The following BANF2 variants were observed in gnomAD, a reference collection of about 807,000 sequenced individuals.
BANF2 encodes BANF family member 2, also known as barrier-to-autointegration factor-like protein.
Under a neutral mutation model 8.0 loss-of-function variants are expected in BANF2, and 4 were observed. That is an observed-to-expected ratio of 0.50 (90% CI 0.25 to 1.14). BANF2 has a LOEUF of 1.14. BANF2 is among the 50% of genes most tolerant of loss of function. BANF2 has a pLI of 0.16. For missense variants in BANF2, 96 were observed against 107.5 expected (o/e 0.89, Z 0.47); for synonymous variants, 50 against 40.6 (o/e 1.23, Z -0.88).
intron 1 of BANF2, among the ~76,000 whole-genome samples, chr20:17,702,202 G>C (rs2037419139): frequency 6.6e-6 from 1 of 152,174 alleles, no homozygotes; most frequent in Non-Finnish European, 1.5e-5. Flanking sequence ...TCCTTTCTTA[G>C]CCTTTCCCTA....
At chr20:17,704,531 G>A (rs1485595307) in intron 1 of BANF2, among the ~76,000 whole-genome samples, 2 of 152,190 alleles carry the variant, frequency 1.3e-5, no homozygotes, top group African/African-American at 4.8e-5. Context: ...CTGTTGCTGA[G>A]GTCTACATGA....
At chr20:17,693,717 T>G in intron 1 of BANF2, 1 of 1,551,454 alleles carries the variant, frequency 6.4e-7, no homozygotes. Context: ...GTAAGGCAGA[T>G]TGGTCTGACT....
chr20:17,695,445 CA>C (rs71192401), upstream of BANF2, among the ~76,000 whole-genome samples: 10,536 of 50,766 alleles, frequency 0.21, 199 homozygotes, highest in East Asian at 0.33. Flanking sequence ...GACCTTGTCT[CA>C]AAAAAAAAAA....
In BANF2 at chr20:17,722,568, C is replaced by T. The variant is rs567377730; in HGVS notation, c.-166-148C>T. 63 of 260,368 alleles carry T rather than the reference C, an allele frequency of 2.4e-4. 1 individual carries two copies. In the South Asian group the frequency reaches 5.0e-3, roughly 21 times the overall value. 16.1% of individuals were successfully genotyped at this position (260,368 alleles called of 1,614,324 possible). A position where few individuals can be genotyped will look rare whatever the true frequency, so the allele number is the denominator to read the frequency against. On this transcript the variant is annotated intron_variant, in intron 1 of 3. Coordinates refer to ENST00000246090, the MANE Select transcript of BANF2 (RefSeq NM_178477.5). The stretch of plus-strand genomic sequence containing the variant: ...TGAGTTAAACACCATCTTGTACTTA[C>T]GAAACATATTTTCACAGATGAAGAG...
intron 1 of BANF2, among the ~76,000 whole-genome samples, chr20:17,704,773 T>C (rs1202710298): frequency 6.6e-6 from 1 of 152,220 alleles, no homozygotes; most frequent in Admixed American, 6.5e-5. Context: ...GGAGCACATA[T>C]GGCTTCAGGA....
At chr20:17,709,274 A>C (rs1398222944) in intron 1 of BANF2, among the ~76,000 whole-genome samples, 1 of 152,196 alleles carries the variant, frequency 6.6e-6, no homozygotes, top group Non-Finnish European at 1.5e-5. Context: ...CTATCTGGAG[A>C]CATGTGGACC....
intron 3 of BANF2, among the ~76,000 whole-genome samples, chr20:17,728,999 A>G (rs2037853500): frequency 6.6e-6 from 1 of 152,262 alleles, no homozygotes; most frequent in South Asian, 2.1e-4. Context: ...AATATATTTT[A>G]GAATGAATTT....
At chr20:17,719,320 C>T (rs527445896) in intron 1 of BANF2, among the ~76,000 whole-genome samples, 19 of 152,054 alleles carry the variant, frequency 1.2e-4, no homozygotes, top group Admixed American at 3.3e-4. Context: ...TTAGTAGAGA[C>T]GGGGTTTCAC....
At chr20:17,721,402 T>A (rs2037727173) in intron 1 of BANF2, among the ~76,000 whole-genome samples, 1 of 151,728 alleles carries the variant, frequency 6.6e-6, no homozygotes, top group Non-Finnish European at 1.5e-5. Context: ...TTCTTTCTTT[T>A]TTTTTTTAAG....
chr20:17,735,001 C>T (rs1023898533), intron 3 of BANF2, among the ~76,000 whole-genome samples: 2 of 152,118 alleles, frequency 1.3e-5, no homozygotes, highest in Non-Finnish European at 1.5e-5. Context: ...GCAGGAGAAT[C>T]GCTTGAGGCG....
intron 1 of BANF2, among the ~76,000 whole-genome samples, chr20:17,708,316 G>T (rs2037516796): frequency 6.6e-6 from 1 of 152,150 alleles, no homozygotes; most frequent in African/African-American, 2.4e-5. Flanking sequence ...ATGTGCAAGG[G>T]GGCATTTTTC....
intron 3 of BANF2, among the ~76,000 whole-genome samples, chr20:17,725,812 A>G (rs2122636523): frequency 2.0e-5 from 3 of 152,348 alleles, no homozygotes; most frequent in Admixed American, 2.0e-4. Context: ...CCCGGTCAGG[A>G]GAGGCACCAG....
intron 1 of BANF2, among the ~76,000 whole-genome samples, chr20:17,715,637 G>T (rs531581721): frequency 6.6e-6 from 1 of 152,314 alleles, no homozygotes; most frequent in African/African-American, 2.4e-5. Context: ...TAAGCCATGG[G>T]CCTGACCCTG....
At chr20:17,732,061 G>A (rs1478101119) in intron 3 of BANF2, among the ~76,000 whole-genome samples, 15 of 133,660 alleles carry the variant, frequency 1.1e-4, no homozygotes, top group Admixed American at 7.9e-4. Context: ...GGGAGACGTC[G>A]TCAAAAAAAA....
At chr20:17,733,867 T>C (rs1455915441) in intron 3 of BANF2, among the ~76,000 whole-genome samples, 1 of 152,250 alleles carries the variant, frequency 6.6e-6, no homozygotes, top group Non-Finnish European at 1.5e-5. Context: ...TTGATTTCTC[T>C]TCTTAAAAAG....
At position 17,723,917 on chromosome 20, in the gene BANF2, C is replaced by T. The variant is rs561441998; in HGVS notation, c.-4+1039C>T. Among the ~76,000 whole-genome samples, 14 of 152,262 alleles carry T rather than the reference C, an allele frequency of 9.2e-5. No individual in the cohort carries two copies. The South Asian group carries it at 1.0e-3, about 11-fold the overall frequency. On this transcript the variant is annotated intron_variant, in intron 2 of 3. Transcript: ENST00000246090. ...GGCTGAGGCAGGAGAATAGCTTGAA[C>T]GCAGGAGGCAGTGGTTGCAGTGAGC...
intron 1 of BANF2, among the ~76,000 whole-genome samples, chr20:17,703,107 C>G (rs747695232): frequency 6.6e-6 from 1 of 152,152 alleles, no homozygotes; most frequent in South Asian, 2.1e-4. Context: ...TTCTCTCTGC[C>G]GGCATCACTT....
intron 1 of BANF2, chr20:17,693,722 C>G (rs1457139884): frequency 6.4e-7 from 1 of 1,551,500 alleles, no homozygotes; most frequent in South Asian, 1.2e-5. Flanking sequence ...GCAGATTGGT[C>G]TGACTTCCTT....
At chr20:17,722,043 A>G (rs1568816049) in intron 1 of BANF2, among the ~76,000 whole-genome samples, 1 of 152,152 alleles carries the variant, frequency 6.6e-6, no homozygotes, top group Admixed American at 6.6e-5. Context: ...GGACATTACC[A>G]GTGTTCCCTG....
Sources: allele counts gnomAD v4.1 joint callset (sites outside exome capture counted in the v4.1 genomes callset), GRCh38; gene constraint gnomAD v4.1.1; transcripts MANE v1.5; gene names NCBI Gene and HGNC (gene_info 2026-07-23, HGNC 2026-07-21).